Variants in GOT2 observed in about 807,000 individuals in gnomAD.
GOT2 encodes glutamic-oxaloacetic transaminase 2.
A neutral mutation model predicts 50.0 loss-of-function variants in GOT2; 17 were observed. That is an observed-to-expected ratio of 0.34 (90% CI 0.23 to 0.51). GOT2 has a LOEUF of 0.51. Among genes scored for constraint, GOT2 ranks in the 20% least tolerant of loss-of-function variants. The probability of loss-of-function intolerance (pLI) is 0.97; values close to 1 mark genes in which losing one functional copy is unlikely to be tolerated. For missense variants in GOT2, 430 were observed against 559.6 expected (o/e 0.77, Z 2.34); for synonymous variants, 172 against 204.9 (o/e 0.84, Z 1.37).
rs745800685 is a variant in GOT2 at position 58,716,142 on chromosome 16, A to T, written c.891T>A (p.Asp297Glu). Residue 297 changes from aspartate (D) to glutamate (E), a missense_variant, in exon 8 of 10, where the codon GAT becomes GAA. Transcript: ENST00000245206. ...ACTCTACCCTTTTGGCTTCATCCGCATCTTTGCAGACCATAGTGAAGGCTC... is the reference window on the plus strand; with the variant it reads ...ACTCTACCCTTTTGGCTTCATCCGCTTCTTTGCAGACCATAGTGAAGGCTC... ...RVGAFTMVCK[D>E]ADEAKRVESQ... 1.9e-6 allele frequency: 3 copies of T among 1,613,820 alleles called. No individual in the cohort carries two copies. Among genetic ancestry groups the T allele is most frequent in the Non-Finnish European group, 2.5e-6 (3 of 1,179,968 alleles).
chr16:58,709,856 T>A (rs569015060), intron 8 of GOT2, among the ~76,000 whole-genome samples: 9 of 152,350 alleles, frequency 5.9e-5, no homozygotes, highest in Admixed American at 5.2e-4. Context: ...CAATATACAT[T>A]CAATAGAAAC....
intron 8 of GOT2, among the ~76,000 whole-genome samples, chr16:58,713,170 A>C (rs1597698192): frequency 6.6e-6 from 1 of 152,112 alleles, no homozygotes; most frequent in South Asian, 2.1e-4. Context: ...AAACAAACAA[A>C]CAATGGGTAA....
At chr16:58,726,683 G>C (rs2044787514) in intron 1 of GOT2, among the ~76,000 whole-genome samples, 1 of 148,868 alleles carries the variant, frequency 6.7e-6, no homozygotes, top group Non-Finnish European at 1.5e-5. Flanking sequence ...GTAGAGACAA[G>C]GTTTCACCCT....
rs372679036 is a variant in GOT2, at chr16:58,709,699, G to A, written c.1020-132C>T. On this transcript the variant is annotated intron_variant, in intron 8 of 9. Transcript: ENST00000245206. ...TTCTCAGGTCACGAATGAGTGACAC[G>A]CTGTCACTGGCCAGGGAAGAAAGCT... is the stretch of plus-strand genomic sequence containing the variant. 2.8e-5 allele frequency: 17 copies of A among 611,580 alleles called. No homozygotes were observed. The Middle Eastern group carries it at 8.1e-4, about 29-fold the overall frequency. The allele number at this position is 611,580 out of a possible 1,614,324, so 37.9% of individuals were successfully genotyped here.
intron 9 of GOT2, among the ~76,000 whole-genome samples, chr16:58,708,567 C>T (rs919538943): frequency 6.6e-6 from 1 of 150,936 alleles, no homozygotes; most frequent in Non-Finnish European, 1.5e-5. Flanking sequence ...TGCAGTGAGC[C>T]GAGATTGCGC....
Position 58,734,174 on chromosome 16 carries a change from G to A in GOT2, c.55C>T (p.Pro19Ser), listed in dbSNP as rs1333847737. The change falls in exon 1 of 10, where the codon CCG becomes TCG. Residue 19 changes from proline to serine, a missense_variant. Physicochemically the swap from Pro to Ser is moderately conservative, Grantham distance 74. Coordinates refer to ENST00000245206, the MANE Select transcript of GOT2 (RefSeq NM_002080.4). ...VLPGIAAAFH[P>S]GLAAAASARA... ...GCAGAGGCCGCGGCGGCGAGGCCCG[G>A]GTGGAAGGCGGCGGCGATCCCGGGG... 7 of 1,333,950 alleles carry A rather than the reference G, an allele frequency of 5.2e-6. No individual in the cohort carries two copies. Among genetic ancestry groups the A allele is most frequent in the Middle Eastern group, 2.1e-4 (1 of 4,878 alleles). 82.6% of individuals were successfully genotyped at this position (1,333,950 alleles called of 1,614,324 possible). A position where few individuals can be genotyped will look rare whatever the true frequency, so the allele number is the denominator to read the frequency against.
chr16:58,716,115 T>C lies in GOT2; in HGVS notation c.918A>G (p.Ser306=), dbSNP rs946696214. ...KDADEAKRVE[S]QLKILIRPMY... Reference sequence around the variant, plus strand: ...TGGGACGGATCAAGATCTTCAACTGTGACTCTACCCTTTTGGCTTCATCCG... The same window carrying C: ...TGGGACGGATCAAGATCTTCAACTGCGACTCTACCCTTTTGGCTTCATCCG... The change falls in exon 8 of 10, where the codon TCA becomes TCG. Residue 306 remains serine (S), a synonymous_variant. Coordinates refer to ENST00000245206, the MANE Select transcript of GOT2 (RefSeq NM_002080.4). 4 of 1,613,854 alleles carry C rather than the reference T, an allele frequency of 2.5e-6. No homozygotes were observed. In the African/African-American group the frequency reaches 5.3e-5, roughly 22 times the overall value.
intron 4 of GOT2, 30 bp downstream of exon 4, chr16:58,719,166 A>G (rs2152095412): frequency 6.5e-7 from 1 of 1,537,986 alleles, no homozygotes; most frequent in Non-Finnish European, 9.0e-7. Context: ...GGAATTTATA[A>G]TTCTTTCCTG....
intron 3 of GOT2, among the ~76,000 whole-genome samples, chr16:58,720,137 G>A (rs901100834): frequency 2.6e-5 from 4 of 152,238 alleles, no homozygotes; most frequent in African/African-American, 9.6e-5. Flanking sequence ...AGGAGGCGGA[G>A]GTTGCGTTGA....
At chr16:58,709,291 A>G in intron 9 of GOT2, 126 bp downstream of exon 9, 1 of 859,314 alleles carries the variant, frequency 1.2e-6, no homozygotes, top group East Asian at 2.7e-5. Flanking sequence ...AACAAAACAA[A>G]ACAAAACAAA....
At chr16:58,729,663 G>A (rs1168778649) in intron 1 of GOT2, among the ~76,000 whole-genome samples, 1 of 152,014 alleles carries the variant, frequency 6.6e-6, no homozygotes, top group African/African-American at 2.4e-5. Context: ...TCTTTAAAAT[G>A]TTAAGCATAG....
chr16:58,710,958 ACT>A (rs1221609689), intron 8 of GOT2, among the ~76,000 whole-genome samples: 2 of 118,562 alleles, frequency 1.7e-5, no homozygotes, highest in Admixed American at 1.1e-4. Flanking sequence ...AGAGAGCAAG[ACT>A]CTGTCTCAAA....
chr16:58,709,355 A>G, intron 9 of GOT2, 62 bp downstream of exon 9: 1 of 1,278,904 alleles, frequency 7.8e-7, no homozygotes, highest in Non-Finnish European at 1.1e-6. Context: ...AAAAAAAAGT[A>G]ATCCTTCGGG....
intron 1 of GOT2, chr16:58,733,846 G>A (rs1427589290): frequency 1.4e-5 from 5 of 351,408 alleles, no homozygotes; most frequent in Non-Finnish European, 2.0e-5. Context: ...ATGGGAGTCC[G>A]GCAACCGCCG....
intron 1 of GOT2, among the ~76,000 whole-genome samples, chr16:58,725,946 T>A (rs2044779902): frequency 1.3e-5 from 2 of 152,354 alleles, no homozygotes; most frequent in African/African-American, 4.8e-5. Flanking sequence ...CTCTTAAAAC[T>A]TACTGAAAAC....
chr16:58,727,259 G>A (rs1421736444), intron 1 of GOT2, among the ~76,000 whole-genome samples: 1 of 152,124 alleles, frequency 6.6e-6, no homozygotes, highest in African/African-American at 2.4e-5. Context: ...CTTTCAAGTA[G>A]CTGGGACTAC....
At position 58,707,777 on chromosome 16, in the gene GOT2, C is replaced by T. The variant is rs772028571; in HGVS notation, c.*394G>A. Reference sequence around the variant, plus strand: ...CAGACACGAGGCCGACTACTCATGACAGAACTAGGCCTTCTCTCAAAGCCT... The same window carrying T: ...CAGACACGAGGCCGACTACTCATGATAGAACTAGGCCTTCTCTCAAAGCCT... On this transcript the variant is annotated 3_prime_UTR_variant, in exon 10 of 10. Transcript: ENST00000245206. 2 of 154,586 alleles carry T rather than the reference C, an allele frequency of 1.3e-5. No individual in the cohort carries two copies. The highest frequency in any genetic ancestry group is 4.8e-5 in the African/African-American group (2 of 41,518). The allele number at this position is 154,586 out of a possible 1,614,324, so 9.6% of individuals were successfully genotyped here. A position where few individuals can be genotyped will look rare whatever the true frequency, so the allele number is the denominator to read the frequency against.
Position 58,722,059 on chromosome 16 carries a change from C to T in GOT2, c.375+91G>A, listed in dbSNP as rs549476035. ...CCTCCCAAAGTGGTGGGATTACAGG[C>T]GTGAGCCATCGCGCCTGGCCTAAAA... On this transcript the variant is annotated intron_variant, in intron 3 of 9. Transcript: ENST00000245206. 5.9e-5 allele frequency: 84 copies of T among 1,417,784 alleles called. No individual in the cohort carries two copies. In the East Asian group the frequency reaches 1.0e-3, roughly 17 times the overall value. 87.8% of individuals were successfully genotyped at this position (1,417,784 alleles called of 1,614,324 possible).
intron 8 of GOT2, 74 bp downstream of exon 8, chr16:58,715,940 G>A (rs941727677): frequency 2.6e-6 from 3 of 1,175,408 alleles, no homozygotes; most frequent in Non-Finnish European, 3.7e-6. Flanking sequence ...ATCACTAGAG[G>A]TCAATTAAAA....
Sources: allele counts gnomAD v4.1 joint callset (sites outside exome capture counted in the v4.1 genomes callset), GRCh38; gene constraint gnomAD v4.1.1; transcripts MANE v1.5; gene names NCBI Gene and HGNC (gene_info 2026-07-23, HGNC 2026-07-21).